Variants in FMN1 observed in about 807,000 individuals in gnomAD.
FMN1 encodes the protein formin 1.
In FMN1, 110 loss-of-function variants were observed where a neutral mutation model predicts 132.4. The ratio of observed to expected loss-of-function variants is 0.83; its 90% CI spans 0.71 to 0.97. The LOEUF is 0.97. Among genes scored for constraint, FMN1 ranks in the 50% least tolerant of loss-of-function variants. The pLI is 0.00. For synonymous variants in FMN1, 722 were observed against 651.7 expected, an observed-to-expected ratio of 1.11 and a Z score of -1.64; for missense variants, 1,792 against 1,705.3, an observed-to-expected ratio of 1.05 and a Z score of -0.90.
At chr15:33,150,207 G>A (rs1964388130) in intron 4 of FMN1, 2 of 985,298 alleles carry the variant, frequency 2.0e-6, no homozygotes, top group African/African-American at 1.7e-5. Flanking sequence ...GTAAATGAAA[G>A]CAAGCAAAAC....
intron 6 of FMN1, among the ~76,000 whole-genome samples, chr15:33,054,279 T>A (rs1285425424): frequency 3.3e-5 from 5 of 152,202 alleles, no homozygotes; most frequent in Non-Finnish European, 7.3e-5. Context: ...ACTGTACAAC[T>A]AAATATACAT....
chr15:33,126,337 A>G (rs2140201155), intron 4 of FMN1, among the ~76,000 whole-genome samples: 1 of 152,336 alleles, frequency 6.6e-6, no homozygotes, highest in South Asian at 2.1e-4. Context: ...GAGAGGAGGC[A>G]GAAGGTCACT....
intron 7 of FMN1, among the ~76,000 whole-genome samples, chr15:32,996,937 G>A (rs952845123): frequency 3.3e-5 from 5 of 152,158 alleles, no homozygotes; most frequent in East Asian, 1.9e-4. Context: ...GAAGATTAAA[G>A]TTAAAGAACA....
chr15:33,141,248 A>G (rs940929328), intron 4 of FMN1, among the ~76,000 whole-genome samples: 1 of 151,988 alleles, frequency 6.6e-6, no homozygotes, highest in African/African-American at 2.4e-5. Flanking sequence ...ATCCTTCCAT[A>G]TTTTCTTCTA....
chr15:33,120,895 A>G (rs1962491392), intron 4 of FMN1, among the ~76,000 whole-genome samples: 1 of 152,146 alleles, frequency 6.6e-6, no homozygotes, highest in Admixed American at 6.5e-5. Flanking sequence ...CTGAAAATAT[A>G]CCTGTTGCAC....
At chr15:33,050,838 A>G (rs2036934118) in intron 6 of FMN1, among the ~76,000 whole-genome samples, 1 of 152,262 alleles carries the variant, frequency 6.6e-6, no homozygotes, top group Non-Finnish European at 1.5e-5. Context: ...GCATAGGTCT[A>G]TAAATTACTA....
At chr15:33,118,680 T>C (rs1321341917) in intron 4 of FMN1, among the ~76,000 whole-genome samples, 2 of 152,154 alleles carry the variant, frequency 1.3e-5, no homozygotes, top group African/African-American at 4.8e-5. Flanking sequence ...ACAAAAAGCA[T>C]GATTTAAACA....
At chr15:33,149,341 G>C (rs1964355361) in intron 4 of FMN1, among the ~76,000 whole-genome samples, 1 of 152,104 alleles carries the variant, frequency 6.6e-6, no homozygotes, top group Non-Finnish European at 1.5e-5. Context: ...AACTCAAATA[G>C]ATACAAATCT....
chr15:32,836,718 ATTTTCTTTT>A (rs907644349), intron 17 of FMN1, among the ~76,000 whole-genome samples: 1 of 152,078 alleles, frequency 6.6e-6, no homozygotes, highest in African/African-American at 2.4e-5. Flanking sequence ...AATGCAAAGT[ATTTTCTTTT>A]TAAACTTTTA....
chr15:33,125,531 A>AG (rs1962973977), intron 4 of FMN1, among the ~76,000 whole-genome samples: 1 of 152,114 alleles, frequency 6.6e-6, no homozygotes, highest in Non-Finnish European at 1.5e-5. Context: ...TGGATATCTA[A>AG]ATTACAGCTT....
At position 33,127,209 on chromosome 15, in the gene FMN1, AATCTC is replaced by A. The variant is rs891916792; in HGVS notation, c.1867+25834_1867+25838del. Among the ~76,000 whole-genome samples, 325 of 152,276 alleles carry A rather than the reference AATCTC, an allele frequency of 2.1e-3. 1 individual carries two copies. Among genetic ancestry groups the A allele is most frequent in the African/African-American group, 7.7e-3 (319 of 41,548 alleles). ...CAGATCTGTTTCTCCTCAAAAATAT[AATCTC>A]AAGAAAAATCAACTGGTCGGATCAT... On this transcript the variant is annotated intron_variant, in intron 4 of 20. Transcript: ENST00000616417.
chr15:32,828,768 C>T (rs1487191232), intron 17 of FMN1, among the ~76,000 whole-genome samples: 5 of 152,102 alleles, frequency 3.3e-5, no homozygotes, highest in Non-Finnish European at 7.4e-5. Flanking sequence ...TTTTAGTAAC[C>T]TAATAAAATT....
At chr15:33,148,780 A>T (rs1964329804) in intron 4 of FMN1, among the ~76,000 whole-genome samples, 1 of 152,094 alleles carries the variant, frequency 6.6e-6, no homozygotes, top group Admixed American at 6.5e-5. Flanking sequence ...TGGTTTCTGG[A>T]TTATGCTCTA....
Position 32,772,264 on chromosome 15 carries a change from C to G in FMN1, c.*2046G>C, listed in dbSNP as rs28455859. On this transcript the variant is annotated 3_prime_UTR_variant, in exon 21 of 21. Transcript: ENST00000616417. ...TGATTTCTCGTAAGCATCCTACTTA[C>G]AGACCAAAGTGGACTGCAATGAGTA... 0.57 allele frequency: 85,836 copies of G among 151,758 alleles called. 24,674 individuals are homozygous for G. Among genetic ancestry groups the G allele is most frequent in the East Asian group, 0.77 (3,942 of 5,146 alleles). The allele number at this position is 151,758 out of a possible 1,614,324, so 9.4% of individuals were successfully genotyped here.
chr15:33,081,211 G>A (rs952774236), intron 5 of FMN1, among the ~76,000 whole-genome samples: 3 of 152,140 alleles, frequency 2.0e-5, no homozygotes, highest in African/African-American at 7.2e-5. Flanking sequence ...TTACAGTACA[G>A]TCACTCTTCT....
At chr15:33,008,452 G>A (rs997417037) in intron 6 of FMN1, among the ~76,000 whole-genome samples, 3 of 151,882 alleles carry the variant, frequency 2.0e-5, no homozygotes, top group African/African-American at 7.3e-5. Context: ...GGAAACAAAC[G>A]AAAACTTTCT....
chr15:32,905,253 T>A (rs2060394030), intron 12 of FMN1, among the ~76,000 whole-genome samples: 1 of 152,226 alleles, frequency 6.6e-6, no homozygotes, highest in South Asian at 2.1e-4. Flanking sequence ...AGACTAACAT[T>A]TGATTTATTA....
chr15:32,934,109 T>G (rs2061195252), intron 9 of FMN1, among the ~76,000 whole-genome samples: 1 of 152,108 alleles, frequency 6.6e-6, no homozygotes, highest in Admixed American at 6.5e-5. Flanking sequence ...TTGATTCTTT[T>G]CTTTTTGTTG....
At chr15:33,108,522 T>C (rs1181442905) in intron 4 of FMN1, among the ~76,000 whole-genome samples, 1 of 151,692 alleles carries the variant, frequency 6.6e-6, no homozygotes, top group Non-Finnish European at 1.5e-5. Flanking sequence ...CTAACTCTGC[T>C]ATTAAACAAC....
Sources: allele counts gnomAD v4.1 joint callset (sites outside exome capture counted in the v4.1 genomes callset), GRCh38; gene constraint gnomAD v4.1.1; transcripts MANE v1.5; gene names NCBI Gene and HGNC (gene_info 2026-07-23, HGNC 2026-07-21).